HTRA3: variants seen among roughly 807,000 people sequenced by gnomAD.
HTRA3 encodes the protein HtrA serine peptidase 3.
In HTRA3, 41 loss-of-function variants were observed where a neutral mutation model predicts 43.2. The ratio of observed to expected loss-of-function variants is 0.95; its 90% CI spans 0.74 to 1.23. The LOEUF is 1.23. Ranked by LOEUF, HTRA3 falls within the 50% of genes most tolerant of loss-of-function variation. The pLI is 0.00. For missense variants in HTRA3, 628 were observed against 647.1 expected, an observed-to-expected ratio of 0.97 and a Z score of 0.32; for synonymous variants, 295 against 287.9, an observed-to-expected ratio of 1.02 and a Z score of -0.25.
intron 7 of HTRA3, among the ~76,000 whole-genome samples, chr4:8,303,978 G>A (rs1560144387): frequency 6.6e-6 from 1 of 151,824 alleles, no homozygotes; most frequent in South Asian, 2.1e-4. Flanking sequence ...CTCTCTTCAC[G>A]CTTCTAACCA....
Position 8,306,195 on chromosome 4 carries a change from C to T in HTRA3, c.*59C>T, listed in dbSNP as rs1713843267. The T allele has an allele frequency of 3.3e-6, 5 of 1,496,896 alleles. No homozygotes were observed. The Admixed American group carries it at 6.3e-5, about 19-fold the overall frequency. 92.7% of individuals were successfully genotyped at this position (1,496,896 alleles called of 1,614,324 possible). ...CTGCAGACAACGGAGGGCAGCGCCC[C>T]CCCGAGATCAGGACGAAGGACCACC... On this transcript the variant is annotated 3_prime_UTR_variant, in exon 9 of 9. Transcript: ENST00000307358. This position sits in a 1 kb window ranked among gnomAD's most constrained non-coding sequence, Gnocchi z 8.9.
At chr4:8,303,027 T>C (rs1713719525) in intron 7 of HTRA3, among the ~76,000 whole-genome samples, 1 of 152,232 alleles carries the variant, frequency 6.6e-6, no homozygotes, top group South Asian at 2.1e-4. Flanking sequence ...ACATCCATCA[T>C]TGGAGTTAGG....
Position 8,286,913 on chromosome 4 carries a change from A to G in HTRA3, c.708+130A>G. ...CAGGGGGAGGAAACTGGGCCCAGGG[A>G]GGACTGGCAGCTGGCCCAGGGTCAC... On this transcript the variant is annotated intron_variant, in intron 3 of 8. Transcript: ENST00000307358. This position sits in a 1 kb window ranked among gnomAD's most constrained non-coding sequence, Gnocchi z 4.9. The G allele has an allele frequency of 1.4e-6, 1 of 694,132 alleles. No individual in the cohort carries two copies. Among genetic ancestry groups the G allele is most frequent in the Non-Finnish European group, 2.4e-6 (1 of 409,588 alleles). 43.0% of individuals were successfully genotyped at this position (694,132 alleles called of 1,614,324 possible). A position where few individuals can be genotyped will look rare whatever the true frequency, so the allele number is the denominator to read the frequency against.
At position 8,286,885 on chromosome 4, in the gene HTRA3, A is replaced by G. The variant is rs7678420; in HGVS notation, c.708+102A>G. The G allele has an allele frequency of 0.58, 499,297 of 860,610 alleles. 148,378 individuals are homozygous for G. Among genetic ancestry groups the G allele is most frequent in the East Asian group, 0.8 (30,157 of 37,480 alleles). 53.3% of individuals were successfully genotyped at this position (860,610 alleles called of 1,614,324 possible). A position where few individuals can be genotyped will look rare whatever the true frequency, so the allele number is the denominator to read the frequency against. On this transcript the variant is annotated intron_variant, in intron 3 of 8. Transcript: ENST00000307358. The surrounding 1 kb of genome is among the most constrained non-coding windows in gnomAD (Gnocchi z 4.9). ...AGGCAAGCTAGCCCCACCTTCCATCAGCCAGGGGGAGGAAACTGGGCCCAG... is the reference window on the plus strand; with the variant it reads ...AGGCAAGCTAGCCCCACCTTCCATCGGCCAGGGGGAGGAAACTGGGCCCAG...
At chr4:8,300,371 T>C (rs1489611249) in intron 6 of HTRA3, among the ~76,000 whole-genome samples, 1 of 152,234 alleles carries the variant, frequency 6.6e-6, no homozygotes, top group Non-Finnish European at 1.5e-5. Flanking sequence ...CTTGAAGTTT[T>C]TTTTTGTAGG....
chr4:8,299,975 G>C (rs1198907597), intron 6 of HTRA3, among the ~76,000 whole-genome samples: 1 of 152,020 alleles, frequency 6.6e-6, no homozygotes, highest in Non-Finnish European at 1.5e-5. Flanking sequence ...ACGTAGCTGG[G>C]ATTATAGGTG....
At chr4:8,273,109 T>A (rs1226680251) in intron 1 of HTRA3, among the ~76,000 whole-genome samples, 1 of 152,162 alleles carries the variant, frequency 6.6e-6, no homozygotes, top group Non-Finnish European at 1.5e-5. Flanking sequence ...TGCTCTGAGG[T>A]CACATGGTCA....
At chr4:8,300,533 ATTCTC>A (rs1713598333) in intron 6 of HTRA3, among the ~76,000 whole-genome samples, 1 of 152,192 alleles carries the variant, frequency 6.6e-6, no homozygotes, top group Non-Finnish European at 1.5e-5. Context: ...TGTTCACAAT[ATTCTC>A]TTATTATTCT....
At chr4:8,284,115 A>G (rs1712865528) in intron 2 of HTRA3, among the ~76,000 whole-genome samples, 1 of 152,080 alleles carries the variant, frequency 6.6e-6, no homozygotes, top group Non-Finnish European at 1.5e-5. Flanking sequence ...GTTTCTCAAA[A>G]CAGCCCTGGA....
At chr4:8,291,141 C>G (rs890620823) in intron 3 of HTRA3, among the ~76,000 whole-genome samples, 5 of 152,202 alleles carry the variant, frequency 3.3e-5, no homozygotes, top group African/African-American at 1.2e-4. Flanking sequence ...AACCTCTGGT[C>G]CCTGGCACAG....
At chr4:8,283,894 C>G (rs1206631826) in intron 2 of HTRA3, among the ~76,000 whole-genome samples, 1 of 152,204 alleles carries the variant, frequency 6.6e-6, no homozygotes, top group African/African-American at 2.4e-5. Context: ...TGCTCCAGCA[C>G]CGCCTCCCTG....
At position 8,306,305 on chromosome 4, in the gene HTRA3, C is replaced by A. The variant is rs1187514362; in HGVS notation, c.*169C>A. On this transcript the variant is annotated 3_prime_UTR_variant, in exon 9 of 9. Coordinates refer to ENST00000307358, the MANE Select transcript of HTRA3 (RefSeq NM_053044.5). The surrounding 1 kb of genome is among the most constrained non-coding windows in gnomAD (Gnocchi z 8.9). Reference sequence around the variant, plus strand: ...GCTTGGCCAGGGGCCCGAATTTCCGCCTGGGGAGTGTTGGATCCACATCCC... The same window carrying A: ...GCTTGGCCAGGGGCCCGAATTTCCGACTGGGGAGTGTTGGATCCACATCCC... 6.1e-6 allele frequency: 4 copies of A among 653,010 alleles called. No homozygotes were observed. The highest frequency in any genetic ancestry group is 9.9e-6 in the Non-Finnish European group (4 of 403,080). The allele number at this position is 653,010 out of a possible 1,614,324, so 40.5% of individuals were successfully genotyped here. A position where few individuals can be genotyped will look rare whatever the true frequency, so the allele number is the denominator to read the frequency against.
intron 2 of HTRA3, among the ~76,000 whole-genome samples, chr4:8,284,883 C>T (rs1712894975): frequency 6.6e-6 from 1 of 152,220 alleles, no homozygotes; most frequent in Non-Finnish European, 1.5e-5. Context: ...GCTGCCATAA[C>T]AAAGTACCAC....
At chr4:8,302,087 A>T (rs1461252542) in intron 6 of HTRA3, among the ~76,000 whole-genome samples, 1 of 152,230 alleles carries the variant, frequency 6.6e-6, no homozygotes, top group Non-Finnish European at 1.5e-5. Flanking sequence ...TGATGAGTTC[A>T]GTTCCAAGCA....
At position 8,270,244 on chromosome 4, in the gene HTRA3, C is replaced by T; in HGVS notation, c.276C>T (p.Thr92=). ...RCRWSHAVCG[T]DGHTYANVCA... The stretch of plus-strand genomic sequence containing the variant: ...GCTGGTCGCACGCCGTGTGTGGCAC[C>T]GACGGGCACACCTATGCCAACGTGT... The change falls in exon 1 of 9, where the codon ACC becomes ACT. Residue 92 remains threonine (T), a synonymous_variant. Transcript: ENST00000307358. 2 of 1,528,944 alleles carry T rather than the reference C, an allele frequency of 1.3e-6. No individual in the cohort carries two copies. The highest frequency in any genetic ancestry group is 1.7e-6 in the Non-Finnish European group (2 of 1,148,270). 94.7% of individuals were successfully genotyped at this position (1,528,944 alleles called of 1,614,324 possible).
chr4:8,306,223 C>T lies in HTRA3; in HGVS notation c.*87C>T, dbSNP rs1029996847. On this transcript the variant is annotated 3_prime_UTR_variant, in exon 9 of 9. Coordinates refer to ENST00000307358, the MANE Select transcript of HTRA3 (RefSeq NM_053044.5). The surrounding 1 kb of genome is among the most constrained non-coding windows in gnomAD (Gnocchi z 8.9). Reference sequence around the variant, plus strand: ...CGAGATCAGGACGAAGGACCACCGTCGGTCCTCAGCAGGGCGGCAGCCTCC... The same window carrying T: ...CGAGATCAGGACGAAGGACCACCGTTGGTCCTCAGCAGGGCGGCAGCCTCC... The T allele has an allele frequency of 1.4e-4, 188 of 1,382,116 alleles. No individual in the cohort carries two copies. The highest frequency in any genetic ancestry group is 1.6e-4 in the Non-Finnish European group (163 of 1,038,062). 85.6% of individuals were successfully genotyped at this position (1,382,116 alleles called of 1,614,324 possible). A position where few individuals can be genotyped will look rare whatever the true frequency, so the allele number is the denominator to read the frequency against.
rs999867334 is a variant in HTRA3, at chr4:8,297,545, C to T, written c.1051+3344C>T. ...GAGGGGTGCTGGGAGGAGGCTGGGG[C>T]AGGGCTGTGGCCTCGAGGGTGAGGG... On this transcript the variant is annotated intron_variant, in intron 6 of 8. Transcript: ENST00000307358. This position sits in a 1 kb window ranked among gnomAD's most constrained non-coding sequence, Gnocchi z 5.8. Among the ~76,000 whole-genome samples the T allele has an allele frequency of 1.3e-5, 2 of 152,090 alleles. No individual in the cohort carries two copies. The highest frequency in any genetic ancestry group is 2.9e-5 in the Non-Finnish European group (2 of 68,014).
chr4:8,278,218 AG>A (rs1417248064), intron 1 of HTRA3, among the ~76,000 whole-genome samples: 1 of 152,050 alleles, frequency 6.6e-6, no homozygotes, highest in Non-Finnish European at 1.5e-5. Context: ...TCCATCAGGC[AG>A]GGCTGTTGGA....
chr4:8,293,926 A>G (rs975870340), intron 5 of HTRA3, among the ~76,000 whole-genome samples, 161 bp from the exon 6 acceptor site: 1 of 151,890 alleles, frequency 6.6e-6, no homozygotes, highest in Non-Finnish European at 1.5e-5. Flanking sequence ...TCACTGACAC[A>G]GGTGTGATCC....
Sources: allele counts gnomAD v4.1 joint callset (sites outside exome capture counted in the v4.1 genomes callset), GRCh38; gene constraint gnomAD v4.1.1; non-coding constraint Gnocchi (gnomAD v3.1); transcripts MANE v1.5; gene names NCBI Gene and HGNC (gene_info 2026-07-23, HGNC 2026-07-21).